NAA11: variants seen among roughly 807,000 people sequenced by gnomAD.
NAA11 encodes the protein N-alpha-acetyltransferase 11, NatA catalytic subunit, also known as N-alpha-acetyltransferase 11.
NAA11 carries 15 observed loss-of-function variants against 16.1 expected under a neutral mutation model. The ratio of observed to expected loss-of-function variants is 0.93; its 90% CI spans 0.62 to 1.44. The LOEUF (loss-of-function observed/expected upper bound fraction) is 1.44. Ranked by LOEUF, NAA11 falls within the 40% of genes most tolerant of loss-of-function variation. The pLI, the probability that NAA11 is intolerant of heterozygous loss-of-function variation, is 0.00. For missense variants in NAA11, 298 were observed against 291.3 expected (o/e 1.02, Z -0.17); for synonymous variants, 122 against 112.4 (o/e 1.09, Z -0.54).
chr4:79,325,231 G>A lies in NAA11; in HGVS notation c.647C>T (p.Thr216Ile), dbSNP rs745449150. The A allele has an allele frequency of 2.5e-6, 4 of 1,613,370 alleles. No homozygotes were observed. The highest frequency in any genetic ancestry group is 3.4e-6 in the Non-Finnish European group (4 of 1,179,638). Reference protein sequence around the residue: ...SKEPKESVESTNVQDSSESSD... With the variant: ...SKEPKESVESINVQDSSESSD... The stretch of plus-strand genomic sequence containing the variant: ...GCTTTCTGAGCTGTCCTGGACGTTG[G>A]TGCTCTCCACAGACTCCTTAGGTTC... The change falls in exon 1 of 2, where the codon ACC (threonine) becomes ATC (isoleucine). Residue 216 changes from threonine to isoleucine, a missense_variant. Coordinates refer to ENST00000286794, the MANE Select transcript of NAA11 (RefSeq NM_032693.3).
intron 2 of NAA11, among the ~76,000 whole-genome samples, chr4:79,249,342 A>G (rs1721937519): frequency 6.6e-6 from 1 of 152,000 alleles, no homozygotes. Context: ...GAGAAAGTTG[A>G]AACCTAATCC....
At chr4:79,217,881 G>A in the NAA11 span, among the ~76,000 whole-genome samples, 3 of 152,184 alleles carry the variant, frequency 2.0e-5, no homozygotes, top group African/African-American at 7.2e-5. Context: ...AAAGAGAGAA[G>A]AGGAAGAAAC....
chr4:79,317,729 G>A lies in NAA11; in HGVS notation c.*75C>T, dbSNP rs1057231885. 2.0e-5 allele frequency: 3 copies of A among 152,278 alleles called. No homozygotes were observed. Among genetic ancestry groups the A allele is most frequent in the African/African-American group, 7.2e-5 (3 of 41,462 alleles). The allele number at this position is 152,278 out of a possible 1,614,324, so 9.4% of individuals were successfully genotyped here. On this transcript the variant is annotated 3_prime_UTR_variant, in exon 2 of 2. Coordinates refer to ENST00000286794, the MANE Select transcript of NAA11 (RefSeq NM_032693.3). ...GATGATCCCCACAGCAGATGCTGCA[G>A]AGCAGACAGACTAAGCCAGGGTTCA...
At position 79,325,880 on chromosome 4, in the gene NAA11, TG is replaced by T; in HGVS notation, c.-4del. On this transcript the variant is annotated 5_prime_UTR_variant, in exon 1 of 2. Transcript: ENST00000286794. Reference sequence around the variant, plus strand: ...GGCTGAGCGTTGCGGATGTTCATAATGGCAGAGGGTAGGGAACCGGTTGGAC... The same window carrying T: ...GGCTGAGCGTTGCGGATGTTCATAATGCAGAGGGTAGGGAACCGGTTGGAC... 1.2e-6 allele frequency: 2 copies of T among 1,602,412 alleles called. No individual in the cohort carries two copies. The highest frequency in any genetic ancestry group is 4.5e-5 in the East Asian group (2 of 44,828).
chr4:79,205,350 T>C, the NAA11 span, among the ~76,000 whole-genome samples: 27 of 152,056 alleles, frequency 1.8e-4, no homozygotes, highest in Non-Finnish European at 3.1e-4. Flanking sequence ...TTGCATTTCC[T>C]GGATGATTCA....
At chr4:79,228,466 C>G (rs934299021) in intron 2 of NAA11, among the ~76,000 whole-genome samples, 1 of 151,930 alleles carries the variant, frequency 6.6e-6, no homozygotes, top group African/African-American at 2.4e-5. Flanking sequence ...GTTTTAATAA[C>G]AATTTCTTTA....
chr4:79,272,097 G>A (rs1354739846), intron 2 of NAA11, among the ~76,000 whole-genome samples: 2 of 151,698 alleles, frequency 1.3e-5, no homozygotes, highest in East Asian at 1.9e-4. Context: ...TTATATGTGT[G>A]TGTATATATA....
At chr4:79,306,525 C>G (rs1367795269) in intron 1 of NAA11, among the ~76,000 whole-genome samples, 2 of 152,150 alleles carry the variant, frequency 1.3e-5, no homozygotes. Flanking sequence ...TTTAAAGGTG[C>G]TATGTCCAAA....
At chr4:79,234,554 A>G (rs1165230614) in intron 2 of NAA11, among the ~76,000 whole-genome samples, 7 of 152,250 alleles carry the variant, frequency 4.6e-5, no homozygotes, top group Non-Finnish European at 8.8e-5. Flanking sequence ...GAAAGCAGTG[A>G]ATTTAGACCA....
At chr4:79,193,885 C>T in the NAA11 span, among the ~76,000 whole-genome samples, 2 of 151,884 alleles carry the variant, frequency 1.3e-5, no homozygotes, top group African/African-American at 4.8e-5. Context: ...ATTTGTTTGT[C>T]TCTTCTTTTA....
chr4:79,229,512 G>C (rs914695521), intron 2 of NAA11, among the ~76,000 whole-genome samples: 2 of 151,846 alleles, frequency 1.3e-5, no homozygotes, highest in East Asian at 3.9e-4. Flanking sequence ...AGATACACAC[G>C]AGTTAAGATT....
intron 2 of NAA11, among the ~76,000 whole-genome samples, chr4:79,245,764 TA>T (rs1721805031): frequency 1.4e-5 from 2 of 140,380 alleles, no homozygotes; most frequent in Admixed American, 7.1e-5. Context: ...CTCTGGGAGG[TA>T]GGGGGGCGCC....
intron 2 of NAA11, among the ~76,000 whole-genome samples, chr4:79,268,764 A>G (rs1722409418): frequency 1.3e-5 from 2 of 151,778 alleles, no homozygotes; most frequent in Admixed American, 6.6e-5. Context: ...AGTTAGTTAC[A>G]TATGTATATA....
At chr4:79,158,725 C>CATATATATATA in the NAA11 span, among the ~76,000 whole-genome samples, 1 of 100,916 alleles carries the variant, frequency 9.9e-6, no homozygotes, top group African/African-American at 3.1e-5. Context: ...ATATATATGG[C>CATATATATATA]TATAGTCACC....
At chr4:79,269,873 T>C (rs553596740) in intron 2 of NAA11, among the ~76,000 whole-genome samples, 2 of 151,432 alleles carry the variant, frequency 1.3e-5, no homozygotes, top group East Asian at 3.9e-4. Context: ...TTGAATTGAT[T>C]TTTGTATAAG....
intron 2 of NAA11, among the ~76,000 whole-genome samples, chr4:79,240,416 A>T (rs891531854): frequency 1.3e-5 from 2 of 152,206 alleles, no homozygotes; most frequent in African/African-American, 4.8e-5. Context: ...GTTAGAGATC[A>T]TTATATGAGG....
At chr4:79,294,242 G>A (rs1723158388) in intron 1 of NAA11, 1 of 152,282 alleles carries the variant, frequency 6.6e-6, no homozygotes, top group East Asian at 1.9e-4. Context: ...TAAGGTTTTA[G>A]CCTATGACTC....
Position 79,325,615 on chromosome 4 carries a change from T to C in NAA11, c.263A>G (p.Gln88Arg), listed in dbSNP as rs749833022. ...CCTGGAGGCCTGGTCCATCAGCTTC[T>C]GGGCCAGGCCGAGGCGCCGGTGTGA... ...KRSHRRLGLA[Q>R]KLMDQASRAM... The change falls in exon 1 of 2, where the codon CAG becomes CGG. Residue 88 changes from glutamine (Q) to arginine (R), a missense_variant. Transcript: ENST00000286794. 5 of 1,614,050 alleles carry C rather than the reference T, an allele frequency of 3.1e-6. No individual in the cohort carries two copies. The highest frequency in any genetic ancestry group is 4.5e-5 in the East Asian group (2 of 44,864).
intron 2 of NAA11, among the ~76,000 whole-genome samples, chr4:79,233,104 G>GT (rs887517476): frequency 1.3e-5 from 2 of 151,304 alleles, no homozygotes; most frequent in South Asian, 2.1e-4. Flanking sequence ...TATTAGCTAA[G>GT]TTTTTTTTTC....
Sources: gnomAD v4.1 joint callset for allele counts (sites outside exome capture counted in the v4.1 genomes callset) on GRCh38, gnomAD v4.1.1 for gene constraint, MANE v1.5 for transcripts, NCBI Gene and HGNC (gene_info 2026-07-23, HGNC 2026-07-21) for gene names.